PDE4D: variants seen among roughly 807,000 people sequenced by gnomAD.
The protein encoded by PDE4D is phosphodiesterase 4D.
Under a neutral mutation model 87.4 loss-of-function variants are expected in PDE4D, and 24 were observed. That is an observed-to-expected ratio of 0.27 (90% CI 0.20 to 0.39). The LOEUF is 0.39. PDE4D is among the 10% of genes least tolerant of loss of function. The pLI is 1.00. For synonymous variants in PDE4D, 384 were observed against 383.2 expected, an observed-to-expected ratio of 1.00 and a Z score of -0.02; for missense variants, 714 against 1,041.0, an observed-to-expected ratio of 0.69 and a Z score of 4.32.
At chr5:60,076,271 G>T (rs1773285663) in intron 2 of PDE4D, among the ~76,000 whole-genome samples, 1 of 151,974 alleles carries the variant, frequency 6.6e-6, no homozygotes, top group Non-Finnish European at 1.5e-5. Context: ...CCATTCTCCT[G>T]CCTCAGCCTC....
intron 2 of PDE4D, among the ~76,000 whole-genome samples, chr5:60,103,272 A>G (rs1400787676): frequency 5.3e-5 from 8 of 152,198 alleles, no homozygotes; most frequent in African/African-American, 1.9e-4. Context: ...ACAAATGATG[A>G]TGATGGGCTC....
At chr5:60,210,357 TA>T in intron 1 of PDE4D, among the ~76,000 whole-genome samples, 1 of 151,744 alleles carries the variant, frequency 6.6e-6, no homozygotes, top group South Asian at 2.1e-4. Flanking sequence ...GTTTTTTTTT[TA>T]AAAAAACAAC....
At chr5:60,073,659 T>C (rs1425042556) in intron 2 of PDE4D, among the ~76,000 whole-genome samples, 1 of 151,970 alleles carries the variant, frequency 6.6e-6, no homozygotes, top group Non-Finnish European at 1.5e-5. Flanking sequence ...ACTTCTTTTG[T>C]TTGGTAGGCT....
chr5:60,332,808 TTC>T (rs568542934), intron 1 of PDE4D, among the ~76,000 whole-genome samples: 184 of 152,294 alleles, frequency 1.2e-3, no homozygotes, highest in African/African-American at 4.3e-3. Flanking sequence ...AAAAAGAGCC[TTC>T]TCTCTGTCAA....
At chr5:60,076,266 C>A (rs1773285373) in intron 2 of PDE4D, among the ~76,000 whole-genome samples, 1 of 152,060 alleles carries the variant, frequency 6.6e-6, no homozygotes, top group South Asian at 2.1e-4. Flanking sequence ...TCACGCCATT[C>A]TCCTGCCTCA....
At chr5:60,243,412 A>T (rs1747354140) in intron 1 of PDE4D, among the ~76,000 whole-genome samples, 1 of 151,782 alleles carries the variant, frequency 6.6e-6, no homozygotes, top group Admixed American at 6.6e-5. Context: ...ACTAATAACA[A>T]TGTTACTATT....
At chr5:60,021,976 G>A (rs1029168739) in intron 2 of PDE4D, 2 of 152,168 alleles carry the variant, frequency 1.3e-5, no homozygotes, top group Non-Finnish European at 2.9e-5. Flanking sequence ...ATCTCCCAAA[G>A]TGCAAGGATT....
chr5:59,389,272 T>G (rs546314463), intron 1 of PDE4D, among the ~76,000 whole-genome samples: 24 of 152,138 alleles, frequency 1.6e-4, no homozygotes, highest in Non-Finnish European at 2.5e-4. Flanking sequence ...TTTATGATAT[T>G]TAGTAATTTC....
chr5:59,157,313 C>A, intron 5 of PDE4D: 1 of 702,536 alleles, frequency 1.4e-6, no homozygotes, highest in Non-Finnish European at 2.6e-6. Context: ...CAGGGTCACA[C>A]GTGTTTCACA....
chr5:60,279,228 G>C (rs550824161), intron 1 of PDE4D, among the ~76,000 whole-genome samples: 3 of 152,202 alleles, frequency 2.0e-5, no homozygotes, highest in African/African-American at 4.8e-5. Context: ...GTTATCATAG[G>C]GCAGTGGTGA....
intron 1 of PDE4D, among the ~76,000 whole-genome samples, chr5:59,754,969 C>A (rs959401062): frequency 1.3e-5 from 2 of 152,122 alleles, no homozygotes; most frequent in Non-Finnish European, 2.9e-5. Context: ...AACAGAAGAA[C>A]TTCTGCAAGA....
At chr5:60,469,769 G>T (rs879563268) in intron 1 of PDE4D, among the ~76,000 whole-genome samples, 10 of 152,100 alleles carry the variant, frequency 6.6e-5, no homozygotes, top group Non-Finnish European at 1.3e-4. Flanking sequence ...ATAGGACGGC[G>T]AACTTAATCA....
intron 1 of PDE4D, among the ~76,000 whole-genome samples, chr5:59,427,016 C>T (rs1795344360): frequency 2.3e-5 from 2 of 87,328 alleles, no homozygotes; most frequent in African/African-American, 7.4e-5. Flanking sequence ...CACACACACA[C>T]ACACACACAC....
intron 1 of PDE4D, among the ~76,000 whole-genome samples, chr5:60,302,200 G>A (rs1336315779): frequency 5.3e-5 from 8 of 152,140 alleles, no homozygotes; most frequent in Admixed American, 5.2e-4. Flanking sequence ...AATGAGTTAG[G>A]GAGGAGTCCC....
At chr5:60,372,635 GTTC>G (rs1761133371) in intron 1 of PDE4D, 1 of 152,150 alleles carries the variant, frequency 6.6e-6, no homozygotes. Context: ...AGGAAGCATT[GTTC>G]CTCTTCTCTA....
intron 1 of PDE4D, among the ~76,000 whole-genome samples, chr5:59,236,956 C>T (rs775930058): frequency 3.9e-5 from 6 of 152,124 alleles, no homozygotes; most frequent in African/African-American, 1.2e-4. Context: ...TTCTTTATCA[C>T]GGCACTTAGG....
chr5:60,207,402 A>G (rs1445490820), intron 1 of PDE4D, among the ~76,000 whole-genome samples: 2 of 152,194 alleles, frequency 1.3e-5, no homozygotes, highest in African/African-American at 4.8e-5. Context: ...ATGGCATGGC[A>G]GGGCCCTACT....
At chr5:59,467,764 G>A (rs780380720) in intron 1 of PDE4D, among the ~76,000 whole-genome samples, 1 of 152,178 alleles carries the variant, frequency 6.6e-6, no homozygotes, top group Non-Finnish European at 1.5e-5. Flanking sequence ...AAATGAGAAA[G>A]AGAAGACATA....
chr5:60,501,849 G>A (rs1177686096), intron 1 of PDE4D, among the ~76,000 whole-genome samples: 1 of 152,062 alleles, frequency 6.6e-6, no homozygotes, highest in Non-Finnish European at 1.5e-5. Context: ...TGATGGGGTT[G>A]TTTGTTTTTT....
Sources: allele counts gnomAD v4.1 joint callset (sites outside exome capture counted in the v4.1 genomes callset), GRCh38; gene constraint gnomAD v4.1.1; transcripts MANE v1.5; gene names NCBI Gene and HGNC (gene_info 2026-07-23, HGNC 2026-07-21).